Variants in THSD4 observed in about 807,000 individuals in gnomAD.
The protein encoded by THSD4 is thrombospondin type-1 domain-containing protein 4.
A neutral mutation model predicts 119.0 loss-of-function variants in THSD4; 69 were observed. That is an observed-to-expected ratio of 0.58 (90% CI 0.48 to 0.71). THSD4 has a LOEUF of 0.71. Ranked by LOEUF, THSD4 falls within the 30% of genes least tolerant of loss-of-function variation. The pLI is 0.00. For synonymous variants in THSD4, 524 were observed against 540.4 expected, an observed-to-expected ratio of 0.97 and a Z score of 0.42; for missense variants, 1,393 against 1,391.1, an observed-to-expected ratio of 1.00 and a Z score of -0.02.
intron 8 of THSD4, among the ~76,000 whole-genome samples, chr15:71,725,603 A>G (rs1239467449): frequency 6.6e-6 from 1 of 152,136 alleles, no homozygotes. Context: ...GAGTGTTTCA[A>G]ATAGGATGGA....
At position 71,395,743 on chromosome 15, in the gene THSD4, C is replaced by T. The variant is rs535124004; in HGVS notation, c.1016-15944C>T. ...GGCCACAGAACAAGCCCCTGTCCCC[C>T]GACTCCCAAAAAAAAGATGGTGCGA... On this transcript the variant is annotated intron_variant, in intron 6 of 17. Transcript: ENST00000261862. Among the ~76,000 whole-genome samples, 203 of 151,980 alleles carry T rather than the reference C, an allele frequency of 1.3e-3. 4 individuals are homozygous for T. The South Asian group carries it at 0.027, about 20-fold the overall frequency.
intron 2 of THSD4, among the ~76,000 whole-genome samples, chr15:71,148,762 A>C (rs145890598): frequency 1.2e-4 from 18 of 152,264 alleles, no homozygotes; most frequent in African/African-American, 4.1e-4. Context: ...GTTGTGTCCT[A>C]ATGAGGCCCC....
At chr15:71,306,968 T>A (rs1488956035) in intron 6 of THSD4, among the ~76,000 whole-genome samples, 3 of 152,230 alleles carry the variant, frequency 2.0e-5, no homozygotes, top group Non-Finnish European at 4.4e-5. Context: ...TCTAGGAGAA[T>A]ATTCAGGCAC....
At chr15:71,438,771 T>G (rs1460196485) in intron 7 of THSD4, among the ~76,000 whole-genome samples, 1 of 152,228 alleles carries the variant, frequency 6.6e-6, no homozygotes, top group Admixed American at 6.5e-5. Context: ...CACAGGTGTT[T>G]GAAGTGATGA....
At chr15:71,554,274 T>C (rs2048982726) in intron 7 of THSD4, among the ~76,000 whole-genome samples, 1 of 151,484 alleles carries the variant, frequency 6.6e-6, no homozygotes, top group African/African-American at 2.4e-5. Flanking sequence ...TTTTGTATTT[T>C]TTTAGTAGAG....
At position 71,309,085 on chromosome 15, in the gene THSD4, G is replaced by A. The variant is rs183956803; in HGVS notation, c.1015+52370G>A. Reference sequence around the variant, plus strand: ...CCACTTCAGCCTCCCGAGTAGCTGTGATTACAGGCGCATGCCACCATACCC... The same window carrying A: ...CCACTTCAGCCTCCCGAGTAGCTGTAATTACAGGCGCATGCCACCATACCC... On this transcript the variant is annotated intron_variant, in intron 6 of 17. Coordinates refer to ENST00000261862, the MANE Select transcript of THSD4 (RefSeq NM_024817.3). Among the ~76,000 whole-genome samples, 204 of 152,274 alleles carry A rather than the reference G, an allele frequency of 1.3e-3. 3 individuals are homozygous for A. The highest frequency in any genetic ancestry group is 3.7e-3 in the Admixed American group (56 of 15,298).
Position 71,724,287 on chromosome 15 carries a change from A to ATATTTTTT in THSD4, c.1358-4261_1358-4260insATTTTTTT. Among the ~76,000 whole-genome samples the ATATTTTTT allele has an allele frequency of 8.6e-4, 32 of 37,284 alleles. 2 individuals are homozygous for ATATTTTTT. Among genetic ancestry groups the ATATTTTTT allele is most frequent in the South Asian group, 4.1e-3 (2 of 490 alleles). 24.5% of individuals were successfully genotyped at this position (37,284 alleles called of 152,430 possible). A position where few individuals can be genotyped will look rare whatever the true frequency, so the allele number is the denominator to read the frequency against. On this transcript the variant is annotated intron_variant, in intron 8 of 17. Transcript: ENST00000261862. ...ATGGGATATATATATATATATATATATTTTTTTTTTCCCCCCAAGATGGAA... is the reference window on the plus strand; with the variant it reads ...ATGGGATATATATATATATATATATATATTTTTTTTTTTTTTTTCCCCCCAAGATGGAA...
At chr15:71,302,723 G>A (rs1417042797) in intron 6 of THSD4, among the ~76,000 whole-genome samples, 1 of 152,078 alleles carries the variant, frequency 6.6e-6, no homozygotes, top group African/African-American at 2.4e-5. Flanking sequence ...CGCTTGGCTG[G>A]TGGGGCAGTG....
At chr15:71,262,624 C>G (rs2044414180) in intron 6 of THSD4, among the ~76,000 whole-genome samples, 1 of 99,070 alleles carries the variant, frequency 1.0e-5, no homozygotes, top group African/African-American at 4.0e-5. Flanking sequence ...CTTGAGTGCA[C>G]TGTGTGTCCC....
intron 7 of THSD4, among the ~76,000 whole-genome samples, chr15:71,569,512 C>T (rs2049309606): frequency 6.6e-6 from 1 of 151,946 alleles, no homozygotes; most frequent in Admixed American, 6.6e-5. Context: ...ATAGAATTTA[C>T]AAGAAAACAA....
chr15:71,719,866 G>T (rs8039956), intron 8 of THSD4, among the ~76,000 whole-genome samples: 2 of 151,496 alleles, frequency 1.3e-5, no homozygotes, highest in Non-Finnish European at 2.9e-5. Context: ...TGTAGGGATG[G>T]GGTTTCTCCA....
chr15:71,191,904 C>CTTT (rs11452105), intron 3 of THSD4, among the ~76,000 whole-genome samples: 6 of 142,448 alleles, frequency 4.2e-5, no homozygotes, highest in East Asian at 2.1e-4. Flanking sequence ...TCTTCTTCTT[C>CTTT]TTTTTTTTTT....
chr15:71,745,025 C>T, intron 11 of THSD4, 81 bp from the exon 12 acceptor site: 1 of 1,526,904 alleles, frequency 6.5e-7, no homozygotes, highest in South Asian at 1.3e-5. Context: ...TCATCAGCAC[C>T]CGAATCTCTG....
At chr15:71,129,098 G>A (rs2040480273) in intron 1 of THSD4, among the ~76,000 whole-genome samples, 1 of 152,160 alleles carries the variant, frequency 6.6e-6, no homozygotes, top group Admixed American at 6.5e-5. Flanking sequence ...GCCCAGGCAA[G>A]CTTTGAGAGT....
At chr15:71,475,388 G>A (rs2047641918) in intron 7 of THSD4, among the ~76,000 whole-genome samples, 1 of 152,142 alleles carries the variant, frequency 6.6e-6, no homozygotes, top group Non-Finnish European at 1.5e-5. Context: ...TATAAAAATG[G>A]CTTGTGGTTG....
chr15:71,410,916 C>T (rs1388057142), intron 6 of THSD4, among the ~76,000 whole-genome samples: 1 of 152,092 alleles, frequency 6.6e-6, no homozygotes, highest in African/African-American at 2.4e-5. Context: ...GCTGTGTTGG[C>T]AGTTACCTGT....
rs138594112 is a variant in THSD4, at chr15:71,673,600, C to A, written c.1357+12866C>A. ...TGATGTTAGGGTGTCAATTTTAGAT[C>A]TTTCCTGCTTTCTCTTGTGGGCATT... On this transcript the variant is annotated intron_variant, in intron 8 of 17. Coordinates refer to ENST00000261862, the MANE Select transcript of THSD4 (RefSeq NM_024817.3). Among the ~76,000 whole-genome samples the A allele has an allele frequency of 3.4e-3, 517 of 152,296 alleles. 24 individuals carry two copies. The East Asian group carries it at 0.09, about 27-fold the overall frequency.
At chr15:71,685,467 T>G (rs1020454522) in intron 8 of THSD4, among the ~76,000 whole-genome samples, 11 of 152,250 alleles carry the variant, frequency 7.2e-5, no homozygotes, top group African/African-American at 2.6e-4. Context: ...ACAGTAACAG[T>G]TTTTTTAAAG....
In THSD4 at chr15:71,255,215, C is replaced by T. The variant is rs74861249; in HGVS notation, c.913-1398C>T. Among the ~76,000 whole-genome samples the T allele has an allele frequency of 9.0e-3, 1,364 of 152,196 alleles. 14 individuals are homozygous for T. Among genetic ancestry groups the T allele is most frequent in the Non-Finnish European group, 0.013 (882 of 67,972 alleles). ...TTCAGGGGCCAGGCTCCTTTTCCTT[C>T]TGATTATTCACACACACACACACAA... On this transcript the variant is annotated intron_variant, in intron 5 of 17. Transcript: ENST00000261862.
Sources: allele counts gnomAD v4.1 joint callset (sites outside exome capture counted in the v4.1 genomes callset), GRCh38; gene constraint gnomAD v4.1.1; transcripts MANE v1.5; gene names NCBI Gene and HGNC (gene_info 2026-07-23, HGNC 2026-07-21).